The following INPP5D variants were observed in gnomAD, a reference collection of about 807,000 sequenced individuals.
INPP5D encodes the protein phosphatidylinositol 3,4,5-trisphosphate 5-phosphatase 1.
In INPP5D, 33 loss-of-function variants were observed where a neutral mutation model predicts 122.9. The ratio of observed to expected loss-of-function variants is 0.27; its 90% CI spans 0.20 to 0.36. The LOEUF is 0.36. Among genes scored for constraint, INPP5D ranks in the 10% least tolerant of loss-of-function variants. The pLI is 1.00. For synonymous variants in INPP5D, 584 were observed against 576.2 expected (o/e 1.01, Z -0.19); for missense variants, 1,053 against 1,412.7 (o/e 0.75, Z 4.08).
chr2:233,147,242 G>T (rs1693786816), intron 8 of INPP5D, among the ~76,000 whole-genome samples: 1 of 152,134 alleles, frequency 6.6e-6, no homozygotes, highest in South Asian at 2.1e-4. Context: ...TGGCAGAACG[G>T]CTCCCCCACA....
intron 2 of INPP5D, among the ~76,000 whole-genome samples, chr2:233,107,699 A>C (rs1056184383): frequency 2.6e-5 from 4 of 152,258 alleles, no homozygotes; most frequent in Non-Finnish European, 5.9e-5. Flanking sequence ...CCAGCCCTGG[A>C]CAGCAAGGGC....
At chr2:233,113,906 C>CTTTTTT (rs778997649) in intron 2 of INPP5D, among the ~76,000 whole-genome samples, 2 of 127,766 alleles carry the variant, frequency 1.6e-5, no homozygotes, top group African/African-American at 3.2e-5. Flanking sequence ...CCAAACCACT[C>CTTTTTT]TTTTTTTTTT....
chr2:233,102,854 A>AAAAAC (rs1265199354), intron 2 of INPP5D, among the ~76,000 whole-genome samples: 1 of 150,428 alleles, frequency 6.6e-6, no homozygotes, highest in African/African-American at 2.5e-5. Flanking sequence ...CGTCTCAAAA[A>AAAAAC]AAAAAAAAAA....
intron 2 of INPP5D, among the ~76,000 whole-genome samples, chr2:233,086,906 G>C (rs193045107): frequency 1.4e-3 from 209 of 152,254 alleles, no homozygotes; most frequent in Non-Finnish European, 2.5e-3. Flanking sequence ...CCTGTGTCGT[G>C]TTTCTGGGAC....
At chr2:233,110,548 G>A (rs953892707) in intron 2 of INPP5D, among the ~76,000 whole-genome samples, 4 of 152,110 alleles carry the variant, frequency 2.6e-5, no homozygotes, top group Non-Finnish European at 2.9e-5. Context: ...GTGCATGCAC[G>A]TGTGCACACT....
intron 2 of INPP5D, among the ~76,000 whole-genome samples, chr2:233,091,041 C>T (rs1691978759): frequency 6.6e-6 from 1 of 151,810 alleles, no homozygotes; most frequent in Non-Finnish European, 1.5e-5. Context: ...GACAATAGAA[C>T]TGCTTTCTCC....
rs370638091 is a variant in INPP5D, at chr2:233,146,247, G to T, written c.834+5G>T. Reference sequence around the variant, plus strand: ...TTGTCGTCCATTGAAGACAAGGTACGTGTGGGGCTCCTGCGGCTTCTCTTG... The same window carrying T: ...TTGTCGTCCATTGAAGACAAGGTACTTGTGGGGCTCCTGCGGCTTCTCTTG... On this transcript the variant is annotated splice_donor_5th_base_variant and intron_variant, in intron 7 of 26. Coordinates refer to ENST00000445964, the MANE Select transcript of INPP5D (RefSeq NM_001017915.3). 7.0e-5 allele frequency: 49 copies of T among 704,264 alleles called. No homozygotes were observed. In the South Asian group the frequency reaches 7.2e-4, roughly 10 times the overall value. The allele number at this position is 704,264 out of a possible 1,614,324, so 43.6% of individuals were successfully genotyped here.
chr2:233,076,922 G>A (rs1368850517), intron 1 of INPP5D, among the ~76,000 whole-genome samples: 1 of 152,152 alleles, frequency 6.6e-6, no homozygotes, highest in African/African-American at 2.4e-5. Flanking sequence ...AGAAAAAAAA[G>A]GCCACAACTT....
Position 233,206,723 on chromosome 2 carries a change from T to C in INPP5D, c.*15T>C, listed in dbSNP as rs1213273859. 1.3e-6 allele frequency: 1 copy of C among 770,196 alleles called. No individual in the cohort carries two copies. The highest frequency in any genetic ancestry group is 2.4e-6 in the Non-Finnish European group (1 of 413,310). 47.7% of individuals were successfully genotyped at this position (770,196 alleles called of 1,614,324 possible). ...TCCCACAGTGAAGCCCTCAGTGAGC[T>C]GCCACTGAGTCGGGAGCCCAGAGGA... On this transcript the variant is annotated 3_prime_UTR_variant, in exon 27 of 27. Coordinates refer to ENST00000445964, the MANE Select transcript of INPP5D (RefSeq NM_001017915.3). The surrounding 1 kb of genome is among the most constrained non-coding windows in gnomAD (Gnocchi z 4.0).
chr2:233,157,432 TA>T (rs375832323), intron 9 of INPP5D, among the ~76,000 whole-genome samples: 26,514 of 140,656 alleles, frequency 0.19, 4,296 homozygotes, highest in African/African-American at 0.44. Context: ...TTAGAAACAA[TA>T]AAAAAAAAAA....
At chr2:233,165,442 G>C (rs1321350283) in intron 13 of INPP5D, among the ~76,000 whole-genome samples, 1 of 151,310 alleles carries the variant, frequency 6.6e-6, no homozygotes, top group Non-Finnish European at 1.5e-5. Context: ...GTACCACCCC[G>C]TATCTATGAG....
intron 1 of INPP5D, 75 bp downstream of exon 1, chr2:233,060,687 T>C (rs1362889168): frequency 1.9e-6 from 3 of 1,573,854 alleles, no homozygotes. Flanking sequence ...TTGAGATGGG[T>C]TGTTCTTATG....
chr2:233,098,119 G>A (rs1163493244), intron 2 of INPP5D, among the ~76,000 whole-genome samples: 3 of 152,036 alleles, frequency 2.0e-5, no homozygotes, highest in African/African-American at 7.3e-5. Context: ...TTTCGAACTC[G>A]TGACCTTAAG....
At chr2:233,081,677 T>G (rs931610115) in intron 2 of INPP5D, among the ~76,000 whole-genome samples, 2 of 152,110 alleles carry the variant, frequency 1.3e-5, no homozygotes, top group Admixed American at 6.5e-5. Context: ...TGGCTGACTC[T>G]GTAAGGGGTA....
chr2:233,122,773 C>CTCTA (rs768276911), intron 3 of INPP5D, among the ~76,000 whole-genome samples: 1 of 152,120 alleles, frequency 6.6e-6, no homozygotes, highest in Non-Finnish European at 1.5e-5. Flanking sequence ...CACCACTGCA[C>CTCTA]TCTAGCCTGG....
chr2:233,113,215 C>G (rs72984262), intron 2 of INPP5D, among the ~76,000 whole-genome samples: 5,334 of 152,226 alleles, frequency 0.035, 128 homozygotes, highest in Middle Eastern at 0.051. Context: ...CTCCTTGGTT[C>G]TGGCTGTGCA....
At chr2:233,089,230 G>A (rs7566856) in intron 2 of INPP5D, among the ~76,000 whole-genome samples, 76,352 of 152,004 alleles carry the variant, frequency 0.5, 21,855 homozygotes, top group East Asian at 0.78. Flanking sequence ...GGCCTATCTT[G>A]TCATCCCTTT....
intron 2 of INPP5D, among the ~76,000 whole-genome samples, chr2:233,120,870 A>G (rs1368715644): frequency 6.6e-6 from 1 of 152,266 alleles, no homozygotes; most frequent in African/African-American, 2.4e-5. Context: ...AACCAGATAG[A>G]TCATTTACTG....
At chr2:233,109,233 C>T (rs1305961434) in intron 2 of INPP5D, among the ~76,000 whole-genome samples, 1 of 152,188 alleles carries the variant, frequency 6.6e-6, no homozygotes, top group Non-Finnish European at 1.5e-5. Context: ...GACACTTGTG[C>T]TGCTGAAGAG....
Sources: allele counts gnomAD v4.1 joint callset (sites outside exome capture counted in the v4.1 genomes callset), GRCh38; gene constraint gnomAD v4.1.1; non-coding constraint Gnocchi (gnomAD v3.1); transcripts MANE v1.5; gene names NCBI Gene and HGNC (gene_info 2026-07-23, HGNC 2026-07-21).